Variants in SNX29 observed in about 807,000 individuals in gnomAD.
SNX29 encodes sorting nexin 29, also known as sorting nexin-29.
A neutral mutation model predicts 102.1 loss-of-function variants in SNX29; 78 were observed. The observed-to-expected ratio is 0.76, with a 90% CI of 0.64 to 0.92. SNX29 has a LOEUF of 0.92. Ranked by LOEUF, SNX29 falls within the 40% of genes least tolerant of loss-of-function variation. The pLI is 0.00. For missense variants in SNX29, 1,280 were observed against 1,061.7 expected, an observed-to-expected ratio of 1.21 and a Z score of -2.86; for synonymous variants, 580 against 414.5, an observed-to-expected ratio of 1.40 and a Z score of -4.85.
chr16:12,455,805 C>A (rs1379847982), intron 18 of SNX29, among the ~76,000 whole-genome samples: 2 of 152,156 alleles, frequency 1.3e-5, no homozygotes, highest in Non-Finnish European at 2.9e-5. Context: ...ATGTAGGTGG[C>A]CCGGTATGGA....
intron 3 of SNX29, among the ~76,000 whole-genome samples, chr16:12,018,465 C>G (rs1158488628): frequency 6.6e-6 from 1 of 150,730 alleles, no homozygotes. Context: ...CACCTGTAAT[C>G]CCAGCCACTC....
chr16:12,324,333 C>G (rs925998681), intron 15 of SNX29, among the ~76,000 whole-genome samples: 1 of 152,122 alleles, frequency 6.6e-6, no homozygotes, highest in African/African-American at 2.4e-5. Context: ...CCCAGGAGGA[C>G]TGGGAGGAAG....
chr16:12,397,513 G>A (rs990880721), intron 16 of SNX29, among the ~76,000 whole-genome samples: 3 of 152,128 alleles, frequency 2.0e-5, no homozygotes, highest in African/African-American at 4.8e-5. Context: ...GAGGTAAAAG[G>A]TGTAAATTCA....
chr16:12,537,857 C>G (rs8055050), intron 20 of SNX29, among the ~76,000 whole-genome samples: 2 of 152,152 alleles, frequency 1.3e-5, no homozygotes, highest in East Asian at 1.9e-4. Context: ...TGGTGGCTCA[C>G]GCTTATAGTC....
At chr16:12,167,082 T>C (rs13330729) in intron 13 of SNX29, among the ~76,000 whole-genome samples, 16,249 of 152,264 alleles carry the variant, frequency 0.11, 1,278 homozygotes, top group East Asian at 0.45. Context: ...ATTTTGACTT[T>C]GTGGGGCATG....
chr16:12,335,453 T>A (rs2081417656), intron 15 of SNX29, among the ~76,000 whole-genome samples: 1 of 151,982 alleles, frequency 6.6e-6, no homozygotes. Context: ...TCTCTTCAGG[T>A]CAAGAGTTCA....
intron 16 of SNX29, among the ~76,000 whole-genome samples, chr16:12,397,481 G>T (rs1254156022): frequency 1.3e-5 from 2 of 152,200 alleles, no homozygotes; most frequent in Non-Finnish European, 2.9e-5. Flanking sequence ...GCTGGGGATT[G>T]TGGGGAGTGT....
At chr16:11,987,386 C>G (rs555291990) in intron 1 of SNX29, among the ~76,000 whole-genome samples, 1 of 141,372 alleles carries the variant, frequency 7.1e-6, no homozygotes, top group African/African-American at 2.6e-5. Flanking sequence ...GATTTTTGAA[C>G]TTCTCTGACT....
At chr16:12,360,403 C>A (rs541595713) in intron 16 of SNX29, among the ~76,000 whole-genome samples, 1 of 152,308 alleles carries the variant, frequency 6.6e-6, no homozygotes, top group South Asian at 2.1e-4. Context: ...TTGCTAATTG[C>A]AATCCTATGG....
chr16:12,331,566 T>G (rs185133662), intron 15 of SNX29, among the ~76,000 whole-genome samples: 1 of 152,228 alleles, frequency 6.6e-6, no homozygotes, highest in African/African-American at 2.4e-5. Flanking sequence ...TTTTTTTGTT[T>G]TTGAGATGAA....
intron 16 of SNX29, among the ~76,000 whole-genome samples, chr16:12,396,905 T>G (rs1204612666): frequency 6.6e-6 from 1 of 152,230 alleles, no homozygotes; most frequent in East Asian, 1.9e-4. Flanking sequence ...ACAAATTCTC[T>G]TAACTTTCTT....
chr16:12,338,253 T>C (rs1261335883), intron 15 of SNX29, among the ~76,000 whole-genome samples: 2 of 152,190 alleles, frequency 1.3e-5, no homozygotes, highest in African/African-American at 4.8e-5. Context: ...TCCAGTAGAC[T>C]TTCTTAAGCA....
chr16:12,156,599 G>C (rs888261204), intron 13 of SNX29, among the ~76,000 whole-genome samples: 3 of 152,218 alleles, frequency 2.0e-5, no homozygotes, highest in Admixed American at 2.0e-4. Context: ...GCTCTGGTGT[G>C]CAGGAAGGTT....
At chr16:12,473,139 G>C (rs983770961) in intron 18 of SNX29, among the ~76,000 whole-genome samples, 40 of 152,084 alleles carry the variant, frequency 2.6e-4, no homozygotes, top group Admixed American at 5.9e-4. Flanking sequence ...AACAATTTTG[G>C]GCCTAAGCCC....
At chr16:12,060,915 G>C in intron 8 of SNX29, 1 of 455,592 alleles carries the variant, frequency 2.2e-6, no homozygotes, top group Non-Finnish European at 4.4e-6. Context: ...AAGGGACCCA[G>C]ACGTGACTGG....
chr16:12,351,604 T>C (rs1481265208), intron 15 of SNX29, among the ~76,000 whole-genome samples: 1 of 152,248 alleles, frequency 6.6e-6, no homozygotes, highest in Non-Finnish European at 1.5e-5. Context: ...GTAATCCTTT[T>C]CTGATTTGGC....
chr16:12,106,894 C>T (rs1308224713), intron 11 of SNX29, among the ~76,000 whole-genome samples: 1 of 152,110 alleles, frequency 6.6e-6, no homozygotes, highest in African/African-American at 2.4e-5. Flanking sequence ...TGGCTCCCTG[C>T]TGCCTTGTAC....
At chr16:12,482,823 C>G (rs1448218948) in intron 19 of SNX29, among the ~76,000 whole-genome samples, 12 of 152,324 alleles carry the variant, frequency 7.9e-5, no homozygotes, top group Non-Finnish European at 2.9e-5. Context: ...TGAAAGTGAT[C>G]TTAATCCCAA....
rs1051803530 is a variant in SNX29 at position 12,532,560 on chromosome 16, C to G, written c.2318+7719C>G. Among the ~76,000 whole-genome samples, 20 of 152,280 alleles carry G rather than the reference C, an allele frequency of 1.3e-4. No homozygotes were observed. The East Asian group carries it at 1.5e-3, about 12-fold the overall frequency. ...GATTTGGAGAATTCCTAAGAACTTG[C>G]AGGAATTCTGACTTCACCATCTGAA... is the stretch of plus-strand genomic sequence containing the variant. On this transcript the variant is annotated intron_variant, in intron 20 of 20. Transcript: ENST00000566228.
Sources: gnomAD v4.1 joint callset for allele counts (sites outside exome capture counted in the v4.1 genomes callset) on GRCh38, gnomAD v4.1.1 for gene constraint, MANE v1.5 for transcripts, NCBI Gene and HGNC (gene_info 2026-07-23, HGNC 2026-07-21) for gene names.